The following WDR70 variants were observed in gnomAD, a reference collection of about 807,000 sequenced individuals.
The protein encoded by WDR70 is WD repeat-containing protein 70.
A neutral mutation model predicts 88.6 loss-of-function variants in WDR70; 53 were observed. That is an observed-to-expected ratio of 0.60 (90% CI 0.48 to 0.75). The LOEUF (loss-of-function observed/expected upper bound fraction) is 0.75, where lower values mean the gene tolerates loss of function less well. Among genes scored for constraint, WDR70 ranks in the 30% least tolerant of loss-of-function variants. WDR70 has a pLI of 0.00. For missense variants in WDR70, 610 were observed against 823.2 expected, an observed-to-expected ratio of 0.74 and a Z score of 3.17; for synonymous variants, 280 against 270.0, an observed-to-expected ratio of 1.04 and a Z score of -0.36.
At chr5:37,692,631 T>C (rs1205549494) in intron 10 of WDR70, among the ~76,000 whole-genome samples, 5 of 152,144 alleles carry the variant, frequency 3.3e-5, no homozygotes, top group Non-Finnish European at 7.4e-5. Flanking sequence ...ATTATCTCAA[T>C]AGATGCAGAA....
At chr5:37,391,130 A>G (rs936881205) in intron 3 of WDR70, among the ~76,000 whole-genome samples, 5 of 152,214 alleles carry the variant, frequency 3.3e-5, no homozygotes, top group African/African-American at 9.7e-5. Flanking sequence ...TTTGCTTAGC[A>G]TATCTGTTAA....
chr5:37,523,446 A>G (rs1049407234), intron 9 of WDR70, among the ~76,000 whole-genome samples: 46 of 152,214 alleles, frequency 3.0e-4, no homozygotes, highest in African/African-American at 1.1e-3. Flanking sequence ...AAACTAACAA[A>G]CAGAAAGGAC....
intron 8 of WDR70, among the ~76,000 whole-genome samples, chr5:37,507,730 T>C (rs1740604868): frequency 6.6e-6 from 1 of 152,234 alleles, no homozygotes; most frequent in Admixed American, 6.5e-5. Context: ...TATATCAACA[T>C]AGGGATCCTG....
chr5:37,719,332 G>A (rs554707653), intron 13 of WDR70, among the ~76,000 whole-genome samples: 2 of 151,048 alleles, frequency 1.3e-5, no homozygotes, highest in East Asian at 3.9e-4. Context: ...TACAAGCATA[G>A]GTACAAAGCA....
chr5:37,693,926 A>C (rs1049521517), intron 10 of WDR70, among the ~76,000 whole-genome samples: 2 of 152,204 alleles, frequency 1.3e-5, no homozygotes, highest in African/African-American at 2.4e-5. Context: ...CAACCTACAA[A>C]ATGGGAGAAA....
At chr5:37,527,361 T>C (rs1481880218) in intron 9 of WDR70, among the ~76,000 whole-genome samples, 4 of 152,062 alleles carry the variant, frequency 2.6e-5, no homozygotes, top group Non-Finnish European at 5.9e-5. Flanking sequence ...TTGACAAACC[T>C]GACAAAAACA....
At chr5:37,640,292 T>A (rs1745072379) in intron 10 of WDR70, among the ~76,000 whole-genome samples, 1 of 152,200 alleles carries the variant, frequency 6.6e-6, no homozygotes. Context: ...AACCTGTTGT[T>A]TCAATTTTTA....
intron 9 of WDR70, among the ~76,000 whole-genome samples, chr5:37,571,601 G>A (rs1299814086): frequency 6.6e-6 from 1 of 152,126 alleles, no homozygotes; most frequent in Non-Finnish European, 1.5e-5. Flanking sequence ...AAATCCACTG[G>A]AGTGTATTAG....
intron 10 of WDR70, among the ~76,000 whole-genome samples, chr5:37,649,739 T>C (rs948951303): frequency 4.5e-5 from 5 of 110,064 alleles, no homozygotes; most frequent in Non-Finnish European, 9.2e-5. Context: ...ACTTCTTTTT[T>C]TTTTTTTTTT....
intron 10 of WDR70, among the ~76,000 whole-genome samples, chr5:37,619,627 G>A (rs544616418): frequency 1.3e-5 from 2 of 152,284 alleles, no homozygotes; most frequent in East Asian, 1.9e-4. Context: ...TCTCTGGTCT[G>A]TGTGCATTCT....
chr5:37,620,430 GCTCT>G (rs1181407268), intron 10 of WDR70, among the ~76,000 whole-genome samples: 1 of 152,084 alleles, frequency 6.6e-6, no homozygotes, highest in Non-Finnish European at 1.5e-5. Flanking sequence ...GTTTTTATAT[GCTCT>G]CTATTTGAAA....
chr5:37,404,365 G>A (rs1319126201), intron 5 of WDR70, among the ~76,000 whole-genome samples: 2 of 152,060 alleles, frequency 1.3e-5, no homozygotes, highest in Non-Finnish European at 2.9e-5. Context: ...TTAAAAAAAG[G>A]GAATGAAATT....
intron 7 of WDR70, among the ~76,000 whole-genome samples, chr5:37,446,565 C>A (rs1392691276): frequency 6.6e-6 from 1 of 152,200 alleles, no homozygotes; most frequent in African/African-American, 2.4e-5. Flanking sequence ...GGAACCAAAA[C>A]GGCATGGTAC....
intron 10 of WDR70, among the ~76,000 whole-genome samples, chr5:37,619,276 T>TA (rs11314714): frequency 0.016 from 2,266 of 140,212 alleles, 67 homozygotes; most frequent in Admixed American, 0.093. Flanking sequence ...CCCTAATTCT[T>TA]AAAAAAAAAA....
chr5:37,748,546 T>C (rs1233308019), intron 17 of WDR70, among the ~76,000 whole-genome samples: 2 of 152,154 alleles, frequency 1.3e-5, no homozygotes. Flanking sequence ...TCCTAGGACA[T>C]AGGCATGGGC....
intron 9 of WDR70, among the ~76,000 whole-genome samples, chr5:37,534,677 T>C (rs1344296334): frequency 6.6e-6 from 1 of 151,980 alleles, no homozygotes; most frequent in Non-Finnish European, 1.5e-5. Context: ...TTTGTATTTT[T>C]AGTAGAGTCT....
chr5:37,698,020 C>T lies in WDR70; in HGVS notation c.1192+266C>T, dbSNP rs576720866. ...CAAATTCCATAAGAGTTTGAAGCCT[C>T]CACAAATGATCCTTGCTTCTGCCTT... On this transcript the variant is annotated intron_variant, in intron 11 of 17. Transcript: ENST00000265107. 1.1e-4 allele frequency: 33 copies of T among 305,002 alleles called. No individual in the cohort carries two copies. In the Admixed American group the frequency reaches 1.4e-3, roughly 13 times the overall value. 18.9% of individuals were successfully genotyped at this position (305,002 alleles called of 1,614,324 possible).
intron 9 of WDR70, among the ~76,000 whole-genome samples, chr5:37,600,609 A>G (rs1373826210): frequency 6.6e-6 from 1 of 152,132 alleles, no homozygotes; most frequent in Non-Finnish European, 1.5e-5. Flanking sequence ...TTGAGTACAT[A>G]TTTCACTAAA....
intron 10 of WDR70, among the ~76,000 whole-genome samples, chr5:37,618,738 A>C (rs546945760): frequency 3.0e-4 from 45 of 152,194 alleles, no homozygotes; most frequent in Non-Finnish European, 4.9e-4. Context: ...TCTGAGGTTA[A>C]TGAGAAACCA....
Sources: allele counts gnomAD v4.1 joint callset (sites outside exome capture counted in the v4.1 genomes callset), GRCh38; gene constraint gnomAD v4.1.1; transcripts MANE v1.5; gene names NCBI Gene and HGNC (gene_info 2026-07-23, HGNC 2026-07-21).